Variants in PIGF observed in about 807,000 individuals in gnomAD.
The protein encoded by PIGF is phosphatidylinositol glycan anchor biosynthesis class F.
A neutral mutation model predicts 26.0 loss-of-function variants in PIGF; 23 were observed. The observed-to-expected ratio is 0.88, with a 90% CI of 0.64 to 1.25. The LOEUF is 1.25. Ranked by LOEUF, PIGF falls within the 50% of genes most tolerant of loss-of-function variation. The probability of loss-of-function intolerance (pLI) is 0.00; values close to 1 mark genes in which losing one functional copy is unlikely to be tolerated. For missense variants in PIGF, 278 were observed against 249.9 expected (o/e 1.11, Z -0.76); for synonymous variants, 93 against 92.6 (o/e 1.00, Z -0.03).
rs1670215803 is a variant in PIGF at position 46,606,172 on chromosome 2, C to T, written c.437+6056G>A. Among the ~76,000 whole-genome samples the T allele has an allele frequency of 9.2e-5, 14 of 152,280 alleles. No individual in the cohort carries two copies. In the South Asian group the frequency reaches 2.9e-3, roughly 32 times the overall value. ...TAACTTTTATTTTGACTAGGTAGTA[C>T]ACTAATGTGGTTCAAATTTCAAAAG... On this transcript the variant is annotated intron_variant, in intron 4 of 5. Transcript: ENST00000281382.
At chr2:46,603,828 A>C (rs1670134719) in intron 4 of PIGF, among the ~76,000 whole-genome samples, 1 of 152,116 alleles carries the variant, frequency 6.6e-6, no homozygotes, top group African/African-American at 2.4e-5. Context: ...CCCCACAAGC[A>C]CAGGCAACCA....
chr2:46,597,855 G>T (rs1487106476), intron 4 of PIGF, among the ~76,000 whole-genome samples: 2 of 151,994 alleles, frequency 1.3e-5, no homozygotes, highest in Non-Finnish European at 2.9e-5. Context: ...TTTATTGCTG[G>T]TTATCAAAAA....
intron 4 of PIGF, among the ~76,000 whole-genome samples, chr2:46,605,373 A>C (rs1231764299): frequency 6.6e-6 from 1 of 152,048 alleles, no homozygotes; most frequent in Non-Finnish European, 1.5e-5. Flanking sequence ...AAATGAAAAA[A>C]CCAGCCCTCC....
intron 3 of PIGF, among the ~76,000 whole-genome samples, chr2:46,612,814 G>T (rs1350559200): frequency 6.6e-6 from 1 of 152,074 alleles, no homozygotes; most frequent in East Asian, 1.9e-4. Context: ...GATTGGTGGG[G>T]GCTCTACCCC....
chr2:46,615,408 G>A, intron 1 of PIGF: 1 of 337,238 alleles, frequency 3.0e-6, no homozygotes, highest in Non-Finnish European at 5.5e-6. Flanking sequence ...AGCCTAAAAA[G>A]AACAAATTTA....
intron 4 of PIGF, among the ~76,000 whole-genome samples, chr2:46,602,190 CTTTTG>C (rs1670081374): frequency 6.6e-6 from 1 of 151,824 alleles, no homozygotes. Context: ...TAATAGTATT[CTTTTG>C]TTTTGTTTTC....
At chr2:46,587,136 A>G (rs1669603876) in intron 5 of PIGF, among the ~76,000 whole-genome samples, 1 of 152,164 alleles carries the variant, frequency 6.6e-6, no homozygotes, top group Admixed American at 6.5e-5. Flanking sequence ...ATGTTAACAC[A>G]TTTTTCTCAT....
intron 5 of PIGF, among the ~76,000 whole-genome samples, chr2:46,587,398 T>C (rs1483805839): frequency 6.6e-6 from 1 of 151,502 alleles, no homozygotes; most frequent in Non-Finnish European, 1.5e-5. Flanking sequence ...GAAATGAATA[T>C]ACATATTTCA....
At chr2:46,604,361 C>A (rs139915463) in intron 4 of PIGF, among the ~76,000 whole-genome samples, 37 of 151,882 alleles carry the variant, frequency 2.4e-4, no homozygotes, top group African/African-American at 8.4e-4. Context: ...TAGGTATATA[C>A]CCAAAAGAAA....
intron 5 of PIGF, among the ~76,000 whole-genome samples, chr2:46,591,161 T>G (rs1669711741): frequency 6.6e-6 from 1 of 152,204 alleles, no homozygotes; most frequent in South Asian, 2.1e-4. Context: ...CTAAATGTTC[T>G]TTAATAAAAA....
At chr2:46,582,720 T>A (rs1669440914) in intron 5 of PIGF, 2 of 152,652 alleles carry the variant, frequency 1.3e-5, no homozygotes. Context: ...AACACTAAAC[T>A]TTTATACTTG....
intron 4 of PIGF, among the ~76,000 whole-genome samples, chr2:46,606,792 C>T (rs1177091317): frequency 1.3e-5 from 2 of 152,092 alleles, no homozygotes; most frequent in Non-Finnish European, 2.9e-5. Flanking sequence ...AAAACCTATA[C>T]ACAAATGTTT....
chr2:46,587,848 AAATAT>A (rs1369373358), intron 5 of PIGF, among the ~76,000 whole-genome samples: 1 of 152,202 alleles, frequency 6.6e-6, no homozygotes, highest in Non-Finnish European at 1.5e-5. Context: ...GAAAGAAATG[AAATAT>A]AATAAGTAAT....
At chr2:46,582,200 C>T (rs1218687040) in intron 5 of PIGF, 1 of 150,898 alleles carries the variant, frequency 6.6e-6, no homozygotes, top group African/African-American at 2.4e-5. Context: ...TTTCTCCAGC[C>T]ATATTACATC....
chr2:46,598,592 G>A (rs1669963237), intron 4 of PIGF, among the ~76,000 whole-genome samples: 1 of 135,972 alleles, frequency 7.4e-6, no homozygotes, highest in Non-Finnish European at 1.5e-5. Flanking sequence ...TATTGCATGT[G>A]TGGCTCAAGA....
chr2:46,596,752 C>G (rs1168713691), intron 4 of PIGF, among the ~76,000 whole-genome samples: 1 of 152,114 alleles, frequency 6.6e-6, no homozygotes, highest in Non-Finnish European at 1.5e-5. Flanking sequence ...CACCTTTTAT[C>G]TACAAGCTGC....
chr2:46,609,379 T>C (rs549379856), intron 4 of PIGF, among the ~76,000 whole-genome samples: 2 of 152,246 alleles, frequency 1.3e-5, no homozygotes, highest in African/African-American at 2.4e-5. Flanking sequence ...ATCCAGACCA[T>C]AAAACTTTCT....
In PIGF at chr2:46,589,861, TG is replaced by T. The variant is rs1669675466; in HGVS notation, c.546+2613del. Among the ~76,000 whole-genome samples the T allele has an allele frequency of 6.6e-6, 1 of 151,912 alleles. No homozygotes were observed. Among genetic ancestry groups the T allele is most frequent in the African/African-American group, 2.4e-5 (1 of 41,378 alleles). ...CAAAAAAACAAACAACCTTGTTTGC[TG>T]GAAATAAAAAGTGAAAAAAAAACCT... is the stretch of plus-strand genomic sequence containing the variant. On this transcript the variant is annotated intron_variant, in intron 5 of 5. Coordinates refer to ENST00000281382, the MANE Select transcript of PIGF (RefSeq NM_002643.4). The surrounding 1 kb of genome is among the most constrained non-coding windows in gnomAD (Gnocchi z 4.7).
At chr2:46,603,294 T>C (rs1318304515) in intron 4 of PIGF, among the ~76,000 whole-genome samples, 1 of 151,980 alleles carries the variant, frequency 6.6e-6, no homozygotes, top group African/African-American at 2.4e-5. Flanking sequence ...CCCAAAGCAA[T>C]CCACAGATTC....
Sources: gnomAD v4.1 joint callset for allele counts (sites outside exome capture counted in the v4.1 genomes callset) on GRCh38, gnomAD v4.1.1 for gene constraint, Gnocchi (gnomAD v3.1) non-coding constraint, MANE v1.5 for transcripts, NCBI Gene and HGNC (gene_info 2026-07-23, HGNC 2026-07-21) for gene names.